The following C4BPB variants were observed in gnomAD, a reference collection of about 807,000 sequenced individuals.
The protein encoded by C4BPB is C4b-binding protein beta chain.
Under a neutral mutation model 26.6 loss-of-function variants are expected in C4BPB, and 19 were observed. The ratio of observed to expected loss-of-function variants is 0.71; its 90% CI spans 0.50 to 1.05. The LOEUF is 1.05. Among genes scored for constraint, C4BPB ranks in the 50% least tolerant of loss-of-function variants. The pLI is 0.00. For missense variants in C4BPB, 282 were observed against 302.9 expected (o/e 0.93, Z 0.51); for synonymous variants, 118 against 103.5 (o/e 1.14, Z -0.85).
chr1:207,095,338 C>G (rs1407932106), intron 4 of C4BPB: 1 of 456,488 alleles, frequency 2.2e-6, no homozygotes, highest in African/African-American at 2.0e-5. Context: ...TCCCCTATTT[C>G]TTTTTCTTTT....
chr1:207,091,725 T>C lies in C4BPB; in HGVS notation c.314T>C (p.Phe105Ser), dbSNP rs1295893101. 1 of 1,614,086 alleles carries C rather than the reference T, an allele frequency of 6.2e-7. No individual in the cohort carries two copies. The highest frequency in any genetic ancestry group is 1.7e-5 in the Admixed American group (1 of 60,012). The change falls in exon 4 of 7, where the codon TTT (phenylalanine) becomes TCT (serine). Residue 105 changes from phenylalanine to serine, a missense_variant. Physicochemically the swap from Phe to Ser is radical, Grantham distance 155. Transcript: ENST00000367078. The part of the protein sequence containing the change: ...GPVNVSDKIT[F>S]MCNDHYILKG... ...GTGAATGTAAGTGACAAAATCACGTTTATGTGCAATGACCACTACATCCTC... is the reference window on the plus strand; with the variant it reads ...GTGAATGTAAGTGACAAAATCACGTCTATGTGCAATGACCACTACATCCTC...
chr1:207,098,022 T>G, intron 5 of C4BPB, 128 bp from the exon 6 acceptor site: 1 of 720,678 alleles, frequency 1.4e-6, no homozygotes, highest in Non-Finnish European at 2.4e-6. Flanking sequence ...AAGCATGCAT[T>G]GAGGCTCAAG....
At chr1:207,097,304 C>A (rs1332967470) in intron 5 of C4BPB, among the ~76,000 whole-genome samples, 1 of 151,930 alleles carries the variant, frequency 6.6e-6, no homozygotes, top group African/African-American at 2.4e-5. Context: ...CCTCTGCCTC[C>A]TAGGCTCACG....
At chr1:207,089,831 C>A (rs1479737792) in intron 2 of C4BPB, among the ~76,000 whole-genome samples, 7 of 152,128 alleles carry the variant, frequency 4.6e-5, no homozygotes, top group Non-Finnish European at 7.4e-5. Flanking sequence ...GTTCTGGGAG[C>A]AAAAAGAGTA....
chr1:207,089,732 G>C, intron 2 of C4BPB, 143 bp downstream of exon 2: 1 of 684,506 alleles, frequency 1.5e-6, no homozygotes, highest in Non-Finnish European at 2.6e-6. Context: ...TTGGCCTAAT[G>C]CTCTGCACTC....
Position 207,099,977 on chromosome 1 carries a change from T to C in C4BPB, c.*48T>C. The C allele has an allele frequency of 6.5e-7, 1 of 1,543,204 alleles. No homozygotes were observed. Among genetic ancestry groups the C allele is most frequent in the South Asian group, 1.2e-5 (1 of 82,400 alleles). On this transcript the variant is annotated 3_prime_UTR_variant, in exon 7 of 7. Coordinates refer to ENST00000367078, the MANE Select transcript of C4BPB (RefSeq NM_001017365.3). The stretch of plus-strand genomic sequence containing the variant: ...TAGAAATAAACCTATGAATAAATTT[T>C]CTTCTTGGTTCTGAAATTGGTTTCA...
intron 4 of C4BPB, among the ~76,000 whole-genome samples, chr1:207,093,026 A>G (rs947559519): frequency 2.0e-5 from 3 of 152,254 alleles, no homozygotes; most frequent in Non-Finnish European, 4.4e-5. Context: ...AAAGTCTACT[A>G]AAATATTTAA....
chr1:207,091,920 A>T (rs1189381443), intron 4 of C4BPB, 100 bp downstream of exon 4: 2 of 1,016,568 alleles, frequency 2.0e-6, no homozygotes, highest in African/African-American at 3.2e-5. Flanking sequence ...CTTTTTTTGT[A>T]TCAGAGACAG....
intron 4 of C4BPB, among the ~76,000 whole-genome samples, chr1:207,092,630 T>TTTC (rs1491253557): frequency 8.0e-6 from 1 of 124,958 alleles, no homozygotes; most frequent in Non-Finnish European, 1.6e-5. Flanking sequence ...TCTTTCTTTC[T>TTTC]TTTTTTTTTT....
At chr1:207,090,797 A>G (rs1027480657) in intron 3 of C4BPB, among the ~76,000 whole-genome samples, 8 of 152,218 alleles carry the variant, frequency 5.3e-5, no homozygotes, top group Non-Finnish European at 7.4e-5. Flanking sequence ...TGTTTATGTT[A>G]TGGAAAATTT....
In C4BPB at chr1:207,090,360, G is replaced by A; in HGVS notation, c.111G>A (p.Lys37=). The change falls in exon 3 of 7, where the codon AAG becomes AAA. Residue 37 remains lysine, a synonymous_variant. Coordinates refer to ENST00000367078, the MANE Select transcript of C4BPB (RefSeq NM_001017365.3). ...TGGACAATAGCATATTTGTCGCAAA[G>A]GAGGTGGAAGGACAGATTCTGGGGA... is the stretch of plus-strand genomic sequence containing the variant. ...PPVDNSIFVA[K]EVEGQILGTY... The A allele has an allele frequency of 6.2e-7, 1 of 1,613,978 alleles. No individual in the cohort carries two copies.
intron 2 of C4BPB, among the ~76,000 whole-genome samples, 200 bp downstream of exon 2, chr1:207,089,789 G>C (rs1318296581): frequency 6.6e-6 from 1 of 152,132 alleles, no homozygotes; most frequent in Non-Finnish European, 1.5e-5. Flanking sequence ...TCTCTGAAGT[G>C]GGTGGTTACT....
chr1:207,097,295 C>T (rs1348265441), intron 5 of C4BPB, among the ~76,000 whole-genome samples: 1 of 151,912 alleles, frequency 6.6e-6, no homozygotes, highest in Non-Finnish European at 1.5e-5. Context: ...TCACTGCAAC[C>T]TCTGCCTCCT....
intron 4 of C4BPB, among the ~76,000 whole-genome samples, chr1:207,093,289 A>C (rs1031074636): frequency 6.6e-6 from 1 of 152,186 alleles, no homozygotes; most frequent in Middle Eastern, 3.2e-3. Flanking sequence ...TAATTAAAGA[A>C]TCTCATCCAG....
intron 4 of C4BPB, chr1:207,095,673 G>T (rs1684221453): frequency 3.0e-6 from 1 of 337,450 alleles, no homozygotes; most frequent in Non-Finnish European, 5.8e-6. Flanking sequence ...TTGGATGTGT[G>T]TTCCTGCTCA....
At chr1:207,094,172 C>T (rs1684155198) in intron 4 of C4BPB, among the ~76,000 whole-genome samples, 1 of 152,104 alleles carries the variant, frequency 6.6e-6, no homozygotes, top group Admixed American at 6.6e-5. Flanking sequence ...TGTATTTTGG[C>T]AGTAGCTACT....
In C4BPB at chr1:207,089,553, T is replaced by C. The variant is rs1183555449; in HGVS notation, c.22T>C (p.Cys8Arg). The change falls in exon 2 of 7, where the codon TGT (cysteine) becomes CGT (arginine). Residue 8 changes from cysteine to arginine, a missense_variant. Transcript: ENST00000367078. MFFWCACCLMVAWRVSAS... is the reference protein window; with the variant it reads MFFWCACRLMVAWRVSAS... ...CCAGATGTTTTTTTGGTGTGCGTGCTGTCTTATGGTTGCGTGGCGAGTTTC... is the reference window on the plus strand; with the variant it reads ...CCAGATGTTTTTTTGGTGTGCGTGCCGTCTTATGGTTGCGTGGCGAGTTTC... 1 of 1,614,152 alleles carries C rather than the reference T, an allele frequency of 6.2e-7. No homozygotes were observed. The highest frequency in any genetic ancestry group is 8.5e-7 in the Non-Finnish European group (1 of 1,180,002).
At chr1:207,093,963 A>C (rs1331952005) in intron 4 of C4BPB, among the ~76,000 whole-genome samples, 1 of 152,214 alleles carries the variant, frequency 6.6e-6, no homozygotes, top group Non-Finnish European at 1.5e-5. Flanking sequence ...GGCCCTAAAC[A>C]GCACTTCTAT....
chr1:207,092,314 CAAAT>C (rs563788057), intron 4 of C4BPB, among the ~76,000 whole-genome samples: 159 of 152,090 alleles, frequency 1.0e-3, no homozygotes, highest in Non-Finnish European at 2.0e-3. Context: ...CAAACACACA[CAAAT>C]AAAATATTTA....
Sources: gnomAD v4.1 joint callset for allele counts (sites outside exome capture counted in the v4.1 genomes callset) on GRCh38, gnomAD v4.1.1 for gene constraint, MANE v1.5 for transcripts, NCBI Gene and HGNC (gene_info 2026-07-23, HGNC 2026-07-21) for gene names.